PLCB1: variants seen among roughly 807,000 people sequenced by gnomAD.
The protein encoded by PLCB1 is 1-phosphatidylinositol 4,5-bisphosphate phosphodiesterase beta-1.
PLCB1 carries 46 observed loss-of-function variants against 161.8 expected under a neutral mutation model. That is an observed-to-expected ratio of 0.28 (90% CI 0.22 to 0.36). The LOEUF (loss-of-function observed/expected upper bound fraction) is 0.36. Among genes scored for constraint, PLCB1 ranks in the 10% least tolerant of loss-of-function variants. PLCB1 has a pLI of 1.00. For missense variants in PLCB1, 1,016 were observed against 1,472.5 expected, an observed-to-expected ratio of 0.69 and a Z score of 5.07; for synonymous variants, 517 against 503.7, an observed-to-expected ratio of 1.03 and a Z score of -0.35.
chr20:8,170,026 G>A (rs1049648325), intron 2 of PLCB1, among the ~76,000 whole-genome samples: 15 of 152,122 alleles, frequency 9.9e-5, no homozygotes, highest in Non-Finnish European at 1.5e-5. Flanking sequence ...ATGGCCTGAG[G>A]CATTCAGTTA....
At chr20:8,514,601 G>A (rs889393064) in intron 3 of PLCB1, among the ~76,000 whole-genome samples, 2 of 152,010 alleles carry the variant, frequency 1.3e-5, no homozygotes, top group African/African-American at 4.8e-5. Context: ...ATTATCTACC[G>A]TAATAAAGCA....
intron 1 of PLCB1, among the ~76,000 whole-genome samples, chr20:8,138,091 TG>T (rs975550275): frequency 1.6e-4 from 25 of 152,350 alleles, no homozygotes; most frequent in African/African-American, 5.3e-4. Context: ...GTTATTGGCA[TG>T]GCAAAGCTGA....
At chr20:8,178,962 T>G (rs186799086) in intron 2 of PLCB1, among the ~76,000 whole-genome samples, 1 of 152,340 alleles carries the variant, frequency 6.6e-6, no homozygotes, top group African/African-American at 2.4e-5. Flanking sequence ...GCTTTATTTC[T>G]GGGCTCTCTA....
chr20:8,502,601 T>C (rs145100770), intron 3 of PLCB1, among the ~76,000 whole-genome samples: 6 of 152,296 alleles, frequency 3.9e-5, no homozygotes, highest in African/African-American at 7.2e-5. Flanking sequence ...TGCCTTCTTA[T>C]AGATAAGAAA....
At chr20:8,874,396 TTG>T (rs1043181109) in intron 31 of PLCB1, among the ~76,000 whole-genome samples, 12 of 151,964 alleles carry the variant, frequency 7.9e-5, no homozygotes, top group Admixed American at 7.9e-4. Context: ...TCAGTGAATT[TTG>T]GCAGAGTAAT....
chr20:8,685,166 G>A, intron 10 of PLCB1, 88 bp downstream of exon 10: 1 of 1,296,274 alleles, frequency 7.7e-7, no homozygotes, highest in Non-Finnish European at 1.1e-6. Context: ...GCTGAAGTGT[G>A]TTTTCTTCCA....
At chr20:8,543,875 A>G (rs1272431249) in intron 3 of PLCB1, among the ~76,000 whole-genome samples, 6 of 152,158 alleles carry the variant, frequency 3.9e-5, no homozygotes, top group Non-Finnish European at 7.3e-5. Context: ...ACCTTCCACC[A>G]TGATTGTAAG....
At chr20:8,417,419 A>G (rs938365096) in intron 3 of PLCB1, among the ~76,000 whole-genome samples, 6 of 150,776 alleles carry the variant, frequency 4.0e-5, no homozygotes, top group African/African-American at 1.5e-4. Context: ...TGATCTTAGC[A>G]CTAGGACTCT....
intron 31 of PLCB1, among the ~76,000 whole-genome samples, chr20:8,879,182 A>G (rs1987885553): frequency 6.6e-6 from 1 of 152,106 alleles, no homozygotes; most frequent in East Asian, 1.9e-4. Flanking sequence ...TATAAGTACC[A>G]TATTTTCTTT....
At chr20:8,625,398 C>T (rs554177468) in intron 3 of PLCB1, 2 of 152,152 alleles carry the variant, frequency 1.3e-5, no homozygotes, top group Admixed American at 6.5e-5. Flanking sequence ...TTATTGAGTA[C>T]AGGTCAAATA....
intron 3 of PLCB1, among the ~76,000 whole-genome samples, chr20:8,533,865 T>G (rs1021680382): frequency 6.6e-6 from 1 of 152,190 alleles, no homozygotes; most frequent in African/African-American, 2.4e-5. Flanking sequence ...GCTCTTTAGT[T>G]TAATTAGATC....
In PLCB1 at chr20:8,421,818, T is replaced by A. The variant is rs568617826; in HGVS notation, c.246+50368T>A. ...GAAATGCCAGTTCTCAGGTCCAGTCTTATATCTATCAAATCAGAATCTGCA... is the reference window on the plus strand; with the variant it reads ...GAAATGCCAGTTCTCAGGTCCAGTCATATATCTATCAAATCAGAATCTGCA... On this transcript the variant is annotated intron_variant, in intron 3 of 31. Transcript: ENST00000338037. 5.3e-5 allele frequency among the ~76,000 whole-genome samples: 8 copies of A among 152,326 alleles called. No homozygotes were observed. The South Asian group carries it at 1.5e-3, about 28-fold the overall frequency.
chr20:8,178,432 T>C (rs1485162661), intron 2 of PLCB1, among the ~76,000 whole-genome samples: 1 of 152,210 alleles, frequency 6.6e-6, no homozygotes, highest in Non-Finnish European at 1.5e-5. Flanking sequence ...TTGTTGGTCA[T>C]GTATTTGTCT....
intron 3 of PLCB1, among the ~76,000 whole-genome samples, chr20:8,419,642 A>T (rs186484453): frequency 9.1e-4 from 138 of 152,270 alleles, no homozygotes; most frequent in African/African-American, 3.3e-3. Context: ...GGCCAGACTA[A>T]GATACGATGC....
intron 31 of PLCB1, among the ~76,000 whole-genome samples, chr20:8,797,258 T>C (rs1984072773): frequency 6.6e-6 from 1 of 152,172 alleles, no homozygotes; most frequent in African/African-American, 2.4e-5. Context: ...ATTTAGTATT[T>C]TTTTCTTACA....
At chr20:8,516,863 C>T (rs74807822) in intron 3 of PLCB1, among the ~76,000 whole-genome samples, 13,191 of 151,694 alleles carry the variant, frequency 0.087, 628 homozygotes, top group Middle Eastern at 0.12. Flanking sequence ...TCCTATGTGC[C>T]CTTTGTTACG....
chr20:8,193,368 G>T (rs1600226838), intron 2 of PLCB1, among the ~76,000 whole-genome samples: 1 of 151,696 alleles, frequency 6.6e-6, no homozygotes, highest in Admixed American at 6.6e-5. Context: ...AATAAACCCT[G>T]CCAGCCATAG....
At chr20:8,742,828 G>T (rs558357607) in intron 23 of PLCB1, among the ~76,000 whole-genome samples, 52 of 152,120 alleles carry the variant, frequency 3.4e-4, no homozygotes, top group African/African-American at 1.3e-3. Flanking sequence ...TTATTTGTGG[G>T]TACATAGTAG....
chr20:8,529,844 A>G (rs1337269086), intron 3 of PLCB1, among the ~76,000 whole-genome samples: 2 of 152,120 alleles, frequency 1.3e-5, no homozygotes, highest in Non-Finnish European at 2.9e-5. Context: ...CCAAGTGCAC[A>G]TGATTTCAAG....
Sources: gnomAD v4.1 joint callset for allele counts (sites outside exome capture counted in the v4.1 genomes callset) on GRCh38, gnomAD v4.1.1 for gene constraint, MANE v1.5 for transcripts, NCBI Gene and HGNC (gene_info 2026-07-23, HGNC 2026-07-21) for gene names.